The following TOMM20L variants were observed in gnomAD, a reference collection of about 807,000 sequenced individuals.
TOMM20L encodes the protein TOMM20-like protein 1.
A neutral mutation model predicts 20.4 loss-of-function variants in TOMM20L; 19 were observed. The observed-to-expected ratio is 0.93, with a 90% CI of 0.65 to 1.36. TOMM20L has a LOEUF of 1.36. Among genes scored for constraint, TOMM20L ranks in the 40% most tolerant of loss-of-function variants. The pLI is 0.00. For synonymous variants in TOMM20L, 75 were observed against 79.6 expected (o/e 0.94, Z 0.30); for missense variants, 218 against 203.7 (o/e 1.07, Z -0.43).
At chr14:58,416,778 C>T in the TOMM20L span, among the ~76,000 whole-genome samples, 5 of 152,228 alleles carry the variant, frequency 3.3e-5, no homozygotes, top group Non-Finnish European at 5.9e-5. Flanking sequence ...AAATCAGTGC[C>T]ATGAGAAAAA....
chr14:58,407,249 G>C, intron 3 of TOMM20L, 77 bp from the exon 4 acceptor site: 1 of 1,414,112 alleles, frequency 7.1e-7, no homozygotes, highest in South Asian at 1.4e-5. Context: ...TTTAATGCTT[G>C]TTGCTTTCTT....
At chr14:58,396,662 AC>A (rs954860580) in intron 2 of TOMM20L, among the ~76,000 whole-genome samples, 7 of 152,128 alleles carry the variant, frequency 4.6e-5, no homozygotes, top group African/African-American at 1.7e-4. Flanking sequence ...ACACTTAAAA[AC>A]CCAGGCTGGC....
intron 3 of TOMM20L, among the ~76,000 whole-genome samples, chr14:58,406,544 G>C (rs1595000558): frequency 6.6e-6 from 1 of 152,004 alleles, no homozygotes; most frequent in Admixed American, 6.6e-5. Flanking sequence ...TGTGATTACC[G>C]AATACCTGAA....
At chr14:58,409,083 T>G, downstream of TOMM20L, 1 of 1,614,082 alleles carries the variant, frequency 6.2e-7, no homozygotes, top group Non-Finnish European at 8.5e-7. Context: ...GGCTTCATTC[T>G]GCTGAATATG....
Position 58,407,471 on chromosome 14 carries a change from G to A in TOMM20L, c.405+3G>A, listed in dbSNP as rs561751400. 41 of 1,609,542 alleles carry A rather than the reference G, an allele frequency of 2.5e-5. No homozygotes were observed. In the South Asian group the frequency reaches 3.7e-4, roughly 14 times the overall value. ...ACAAAATTCCCCTTATTTGCCAGGT[G>A]AGCACATATTTAATTATCTTTGTGA... is the stretch of plus-strand genomic sequence containing the variant. On this transcript the variant is annotated splice_donor_region_variant and intron_variant, in intron 4 of 4. Transcript: ENST00000360945.
Position 58,402,695 on chromosome 14 carries a change from A to G in TOMM20L, c.196A>G (p.Lys66Glu), listed in dbSNP as rs145388081. The G allele has an allele frequency of 2.0e-4, 324 of 1,613,512 alleles. 1 individual carries two copies. The highest frequency in any genetic ancestry group is 4.5e-4 in the Admixed American group (27 of 59,990). ...AATATTTTAGTTGTGGGATCCAACG[A>G]AGAATAAAAAGTTGCAAGAACTTTT... ...EQGTQLWDPT[K>E]NKKLQELFLQ... The change falls in exon 3 of 5, where the codon AAG (lysine) becomes GAG (glutamate). Residue 66 changes from lysine (K) to glutamate (E), a missense_variant. By Grantham distance (56) the Lys-to-Glu change is moderately conservative. Coordinates refer to ENST00000360945, the MANE Select transcript of TOMM20L (RefSeq NM_207377.3).
At chr14:58,401,924 G>A (rs1218474529) in intron 2 of TOMM20L, among the ~76,000 whole-genome samples, 5 of 152,214 alleles carry the variant, frequency 3.3e-5, no homozygotes, top group East Asian at 1.9e-4. Context: ...TTGTTTCCCC[G>A]ATTAGAGAGT....
At chr14:58,396,133 G>T in intron 1 of TOMM20L, 40 bp downstream of exon 1, 1 of 1,278,174 alleles carries the variant, frequency 7.8e-7, no homozygotes, top group Non-Finnish European at 9.9e-7. Context: ...GGGCCGGGCA[G>T]CGCGGGCGGG....
At chr14:58,396,217 G>T (rs2035915361) in intron 1 of TOMM20L, 81 bp from the exon 2 acceptor site, 7 of 1,573,298 alleles carry the variant, frequency 4.4e-6, no homozygotes, top group African/African-American at 1.4e-5. Flanking sequence ...GGCCCGCGGC[G>T]CCCGGGCAGG....
chr14:58,411,190 G>A (rs1271076481), downstream of TOMM20L, among the ~76,000 whole-genome samples: 1 of 152,162 alleles, frequency 6.6e-6, no homozygotes. Context: ...GCTCATGCCT[G>A]TAATCCCAGC....
At position 58,402,748 on chromosome 14, in the gene TOMM20L, T is replaced by G. The variant is rs746090515; in HGVS notation, c.249T>G (p.Leu83=). Residue 83 remains leucine, a synonymous_variant, in exon 3 of 5, where the codon CTT becomes CTG. Transcript: ENST00000360945. The part of the protein sequence containing the change: ...LFLQEVRMGE[L]WLSRGEHRMG... ...TGCAAGAGGTACGGATGGGAGAACTTTGGTTATCTAGAGGTAAGAATGTAA... is the reference window on the plus strand; with the variant it reads ...TGCAAGAGGTACGGATGGGAGAACTGTGGTTATCTAGAGGTAAGAATGTAA... 2 of 1,612,654 alleles carry G rather than the reference T, an allele frequency of 1.2e-6. No homozygotes were observed. Among genetic ancestry groups the G allele is most frequent in the East Asian group, 2.2e-5 (1 of 44,844 alleles).
At chr14:58,414,127 G>T in the TOMM20L span, among the ~76,000 whole-genome samples, 1 of 147,176 alleles carries the variant, frequency 6.8e-6, no homozygotes, top group Non-Finnish European at 1.5e-5. Flanking sequence ...TAACATAAAT[G>T]CTATACATTT....
chr14:58,414,778 A>C, the TOMM20L span, among the ~76,000 whole-genome samples: 1 of 151,936 alleles, frequency 6.6e-6, no homozygotes, highest in African/African-American at 2.4e-5. Flanking sequence ...AGAAATTCAC[A>C]ATAACTACTG....
At chr14:58,415,248 G>C in the TOMM20L span, among the ~76,000 whole-genome samples, 6 of 152,228 alleles carry the variant, frequency 3.9e-5, no homozygotes, top group Middle Eastern at 3.4e-3. Flanking sequence ...AAAGGAGCCA[G>C]ATAAAATGAT....
downstream of TOMM20L, chr14:58,409,029 C>G: frequency 1.2e-6 from 2 of 1,608,018 alleles, no homozygotes; most frequent in Non-Finnish European, 1.7e-6. Context: ...TCCATCAGGA[C>G]TTCTCTATCG....
At chr14:58,403,402 T>A (rs2036014759) in intron 3 of TOMM20L, among the ~76,000 whole-genome samples, 1 of 152,180 alleles carries the variant, frequency 6.6e-6, no homozygotes, top group South Asian at 2.1e-4. Flanking sequence ...ATAAAAATGT[T>A]CCTGCTTTCT....
downstream of TOMM20L, chr14:58,411,989 A>C (rs1462633757): frequency 6.3e-7 from 1 of 1,585,152 alleles, no homozygotes. Context: ...AAAAATTCAA[A>C]ACAAGTTTGT....
intron 2 of TOMM20L, chr14:58,398,667 T>C (rs1376812492): frequency 1.3e-5 from 2 of 151,316 alleles, no homozygotes; most frequent in African/African-American, 4.8e-5. Context: ...ATGATTTATA[T>C]TAATATAAAT....
chr14:58,396,371 T>C, intron 2 of TOMM20L, 30 bp downstream of exon 2: 1 of 1,612,462 alleles, frequency 6.2e-7, no homozygotes, highest in East Asian at 2.2e-5. Flanking sequence ...CACAGGTAGC[T>C]CAGTAGACGC....
Sources: gnomAD v4.1 joint callset for allele counts (sites outside exome capture counted in the v4.1 genomes callset) on GRCh38, gnomAD v4.1.1 for gene constraint, MANE v1.5 for transcripts, NCBI Gene and HGNC (gene_info 2026-07-23, HGNC 2026-07-21) for gene names.